Variants in SLC26A6 observed in about 807,000 individuals in gnomAD.
The protein encoded by SLC26A6 is solute carrier family 26 member 6, also known as anion exchange transporter.
SLC26A6 carries 67 observed loss-of-function variants against 87.1 expected under a neutral mutation model. The observed-to-expected ratio is 0.77, with a 90% CI of 0.63 to 0.94. The LOEUF (loss-of-function observed/expected upper bound fraction) is 0.94. Among genes scored for constraint, SLC26A6 ranks in the 40% least tolerant of loss-of-function variants. The pLI is 0.00. For synonymous variants in SLC26A6, 414 were observed against 405.9 expected (o/e 1.02, Z -0.24); for missense variants, 902 against 973.0 (o/e 0.93, Z 0.97).
At chr3:48,629,832 C>A in intron 13 of SLC26A6, 40 bp downstream of exon 13, 2 of 1,613,524 alleles carry the variant, frequency 1.2e-6, no homozygotes, top group South Asian at 2.2e-5. Context: ...GTGGTACTCT[C>A]TCACTAGCTG....
In SLC26A6 at chr3:48,628,709, C is replaced by T. The variant is rs377689804; in HGVS notation, c.1605G>A (p.Lys535=). 94 of 1,613,250 alleles carry T rather than the reference C, an allele frequency of 5.8e-5. 1 individual carries two copies. The East Asian group carries it at 1.2e-3, about 21-fold the overall frequency. The change falls in exon 15 of 21, where the codon AAG becomes AAA. Residue 535 remains lysine (K), a synonymous_variant. Transcript: ENST00000395550. This position sits in a 1 kb window ranked among gnomAD's most constrained non-coding sequence, Gnocchi z 4.4. ...YRDVAEYSEA[K]EVRGVKVFRS... ...GGAAGACCTTCACCCCCCGGACTTC[C>T]TTGGCCTGGGGATGAGGCAGAACTG...
rs377541274 is a variant in SLC26A6, at chr3:48,630,977, C to A, written c.1134+16G>T. 2.5e-5 allele frequency: 40 copies of A among 1,613,226 alleles called. No homozygotes were observed. Among genetic ancestry groups the A allele is most frequent in the Non-Finnish European group, 3.2e-5 (38 of 1,179,784 alleles). On this transcript the variant is annotated intron_variant, in intron 9 of 20. Transcript: ENST00000395550. ...ATACACTTGGATGCCTCCTACACAT[C>A]CCGCATCACCCAGACCTGGTTGCTG...
In SLC26A6 at chr3:48,632,974, C is replaced by T; in HGVS notation, c.433G>A (p.Gly145Arg). Residue 145 changes from glycine (G) to arginine (R), a missense_variant and splice_region_variant, in exon 4 of 21, where the codon GGG (glycine) becomes AGG (arginine). Coordinates refer to ENST00000395550, the MANE Select transcript of SLC26A6 (RefSeq NM_022911.3). Reference sequence around the variant, plus strand: ...GAAGGCTAGGCCTGCCTCCACTTACCCACGGAGATGTGCCGGGAAGTGCCA... The same window carrying T: ...GAAGGCTAGGCCTGCCTCCACTTACTCACGGAGATGTGCCGGGAAGTGCCA... The part of the protein sequence containing the change: ...LFGTSRHISV[G>R]TFAVMSVMVG... 1 of 1,612,736 alleles carries T rather than the reference C, an allele frequency of 6.2e-7. No individual in the cohort carries two copies. The highest frequency in any genetic ancestry group is 8.5e-7 in the Non-Finnish European group (1 of 1,179,580).
In SLC26A6 at chr3:48,626,464, C is replaced by G. The variant is rs2046625719; in HGVS notation, c.2129-110G>C. ...TCACCCCTGACCTCCACCCCTGAGG[C>G]TACAGCTGAATCCACATCACTTGTA... On this transcript the variant is annotated intron_variant, in intron 19 of 20. Coordinates refer to ENST00000395550, the MANE Select transcript of SLC26A6 (RefSeq NM_022911.3). 9.6e-6 allele frequency: 15 copies of G among 1,557,950 alleles called. 1 individual carries two copies. The South Asian group carries it at 1.8e-4, about 18-fold the overall frequency.
Position 48,630,069 on chromosome 3 carries a change from G to C in SLC26A6, c.1415C>G (p.Ala472Gly). The C allele has an allele frequency of 6.2e-7, 1 of 1,612,254 alleles. No individual in the cohort carries two copies. Among genetic ancestry groups the C allele is most frequent in the Non-Finnish European group, 8.5e-7 (1 of 1,178,668 alleles). The change falls in exon 12 of 21, where the codon GCG (alanine) becomes GGG (glycine). Residue 472 changes from alanine (A) to glycine (G), a missense_variant. Physicochemically the swap from Ala to Gly is moderately conservative, Grantham distance 60. Coordinates refer to ENST00000395550, the MANE Select transcript of SLC26A6 (RefSeq NM_022911.3). ...DMRSLWKANR[A>G]DLLIWLVTFT... Reference sequence around the variant, plus strand: ...GGCTCCCAGTGCACTCACCAGATCCGCCCGATTGGCCTTCCAGAGGGAGCG... The same window carrying C: ...GGCTCCCAGTGCACTCACCAGATCCCCCCGATTGGCCTTCCAGAGGGAGCG...
rs747856692 is a variant in SLC26A6 at position 48,631,311 on chromosome 3, G to A, written c.904-5C>T. The A allele has an allele frequency of 7.0e-6, 11 of 1,580,268 alleles. No homozygotes were observed. The African/African-American group carries it at 1.2e-4, about 17-fold the overall frequency. On this transcript the variant is annotated splice_region_variant and splice_polypyrimidine_tract_variant and intron_variant, in intron 7 of 20. Coordinates refer to ENST00000395550, the MANE Select transcript of SLC26A6 (RefSeq NM_022911.3). The stretch of plus-strand genomic sequence containing the variant: ...GATGCCTGTGGCCCCGATGAGCTGT[G>A]GGAGAGGACAGAGTCAGGGAGGCAG...
rs755979152 is a variant in SLC26A6, at chr3:48,628,578, C to A, written c.1693-37G>T. ...CATCAGAGAAGGGTTGGTGAGCTCT[C>A]TGGGAGCTGGGGCCTGACACCCATC... On this transcript the variant is annotated intron_variant, in intron 15 of 20. Coordinates refer to ENST00000395550, the MANE Select transcript of SLC26A6 (RefSeq NM_022911.3). The surrounding 1 kb of genome is among the most constrained non-coding windows in gnomAD (Gnocchi z 4.4). 2.4e-5 allele frequency: 39 copies of A among 1,613,904 alleles called. No individual in the cohort carries two copies. The highest frequency in any genetic ancestry group is 3.1e-5 in the Non-Finnish European group (37 of 1,179,990).
chr3:48,633,365 G>T lies in SLC26A6; in HGVS notation c.208C>A (p.Leu70Ile). ...AAAACCGGGAGGTGTTGGAGCAGAAGGGCATAGGCCCGAGCACGGGAGCAC... is the reference window on the plus strand; with the variant it reads ...AAAACCGGGAGGTGTTGGAGCAGAATGGCATAGGCCCGAGCACGGGAGCAC... The part of the protein sequence containing the change: ...LQCSRARAYA[L>I]LLQHLPVLVW... Residue 70 changes from leucine to isoleucine, a missense_variant, in exon 3 of 21, where the codon CTT (leucine) becomes ATT (isoleucine). Around this residue, in one of 3 missense-constraint regions of SLC26A6, gnomAD observed 800 missense variants for 856.8 expected, o/e 0.93. Coordinates refer to ENST00000395550, the MANE Select transcript of SLC26A6 (RefSeq NM_022911.3). The T allele has an allele frequency of 6.2e-7, 1 of 1,613,506 alleles. No individual in the cohort carries two copies. The highest frequency in any genetic ancestry group is 1.1e-5 in the South Asian group (1 of 91,090).
At chr3:48,634,559 G>A (rs1275887948) in intron 1 of SLC26A6, among the ~76,000 whole-genome samples, 1 of 152,158 alleles carries the variant, frequency 6.6e-6, no homozygotes, top group Non-Finnish European at 1.5e-5. Context: ...CCTCGGGCGA[G>A]GCTCCCACGT....
chr3:48,630,822 G>A, intron 9 of SLC26A6, 102 bp from the exon 10 acceptor site: 1 of 1,497,328 alleles, frequency 6.7e-7, no homozygotes, highest in Non-Finnish European at 9.2e-7. Flanking sequence ...TCCCCACCAA[G>A]TGGCCCCCAG....
intron 13 of SLC26A6, 72 bp from the exon 14 acceptor site, chr3:48,629,783 G>T (rs1221325086): frequency 6.2e-7 from 1 of 1,609,668 alleles, no homozygotes; most frequent in African/African-American, 1.3e-5. Context: ...GAAGGAGCCT[G>T]AAGTCCCCAG....
In SLC26A6 at chr3:48,626,354, C is replaced by A; in HGVS notation, c.2129G>T (p.Ser710Ile). 6.2e-7 allele frequency: 1 copy of A among 1,613,934 alleles called. No individual in the cohort carries two copies. Among genetic ancestry groups the A allele is most frequent in the Non-Finnish European group, 8.5e-7 (1 of 1,179,998 alleles). ...EVEVYMAACHSPVVSQLEAGH... is the reference protein window; with the variant it reads ...EVEVYMAACHIPVVSQLEAGH... ...AGCCTCAAGCTGGCTGACCACAGGG[C>A]CTGTGGGCAAGAAGTAGGCCTCCCC... The change falls in exon 20 of 21, where the codon AGC (serine) becomes ATC (isoleucine). Residue 710 changes from serine (S) to isoleucine (I), a missense_variant and splice_region_variant. Physicochemically the swap from Ser to Ile is moderately radical, Grantham distance 142 (BLOSUM62 -2). Transcript: ENST00000395550.
rs2046755939 is a variant in SLC26A6, at chr3:48,630,560, G to A, written c.1249-45C>T. 11 of 1,558,372 alleles carry A rather than the reference G, an allele frequency of 7.1e-6. No individual in the cohort carries two copies. In the Admixed American group the frequency reaches 1.7e-4, roughly 25 times the overall value. Reference sequence around the variant, plus strand: ...GCAGGGGAGAGACCTCCTTCCCCAGGCAAAGCAATGTGCATGCCCACACCC... The same window carrying A: ...GCAGGGGAGAGACCTCCTTCCCCAGACAAAGCAATGTGCATGCCCACACCC... On this transcript the variant is annotated intron_variant, in intron 10 of 20. Transcript: ENST00000395550.
Position 48,631,899 on chromosome 3 carries a change from C to G in SLC26A6, c.731G>C (p.Gly244Ala), listed in dbSNP as rs1014525754. ...VFGLHLSSHS[G>A]PLSLIYTVLE... ...ACTCACATAGATGAGGGACAGTGGCCCAGAGTGGCTGCTCAGATGGAGGCC... is the reference window on the plus strand; with the variant it reads ...ACTCACATAGATGAGGGACAGTGGCGCAGAGTGGCTGCTCAGATGGAGGCC... Residue 244 changes from glycine to alanine, a missense_variant, in exon 6 of 21, where the codon GGG becomes GCG. Transcript: ENST00000395550. 1.1e-4 allele frequency: 180 copies of G among 1,613,540 alleles called. No individual in the cohort carries two copies. Among genetic ancestry groups the G allele is most frequent in the Non-Finnish European group, 1.5e-4 (176 of 1,180,034 alleles).
In SLC26A6 at chr3:48,631,049, T is replaced by C; in HGVS notation, c.1078A>G (p.Ile360Val). Residue 360 changes from isoleucine (I) to valine (V), a missense_variant, in exon 9 of 21, where the codon ATC becomes GTC. Physicochemically the swap from Ile to Val is conservative, Grantham distance 29 (BLOSUM62 3). This residue lies in a region of SLC26A6 where 800 missense variants were observed against 856.8 expected (regional missense o/e 0.93). Coordinates refer to ENST00000395550, the MANE Select transcript of SLC26A6 (RefSeq NM_022911.3). Reference sequence around the variant, plus strand: ...AGGGCGAAGATCTTCCCCAGTGAGATGGCAATGGCAAACCCAACCACAGCG... The same window carrying C: ...AGGGCGAAGATCTTCCCCAGTGAGACGGCAATGGCAAACCCAACCACAGCG... ...TIAVVGFAIAISLGKIFALRH... is the reference protein window; with the variant it reads ...TIAVVGFAIAVSLGKIFALRH... 4 of 1,613,802 alleles carry C rather than the reference T, an allele frequency of 2.5e-6. No homozygotes were observed. Among genetic ancestry groups the C allele is most frequent in the Non-Finnish European group, 3.4e-6 (4 of 1,180,016 alleles).
At chr3:48,633,774 G>T (rs530496906) in intron 1 of SLC26A6, 139 bp from the exon 2 acceptor site, 1 of 1,475,948 alleles carries the variant, frequency 6.8e-7, no homozygotes, top group Non-Finnish European at 8.9e-7. Flanking sequence ...GCCCCCAGCT[G>T]GCATCTGTGG....
At position 48,630,674 on chromosome 3, in the gene SLC26A6, T is replaced by C; in HGVS notation, c.1181A>G (p.Gln394Arg). 1 of 1,603,136 alleles carries C rather than the reference T, an allele frequency of 6.2e-7. No individual in the cohort carries two copies. The change falls in exon 10 of 21, where the codon CAG becomes CGG. Residue 394 changes from glutamine (Q) to arginine (R), a missense_variant. Around this residue, in one of 3 missense-constraint regions of SLC26A6, gnomAD observed 800 missense variants for 856.8 expected, o/e 0.93. Coordinates refer to ENST00000395550, the MANE Select transcript of SLC26A6 (RefSeq NM_022911.3). ...GLSNLIGGIF[Q>R]CFPVSCSMSR... ...CATAGAGCAACTCACGGGGAAGCAC[T>C]GGAAGATGCCTCCGATAAGGTTACT...
chr3:48,634,738 G>A (rs2046906747), intron 1 of SLC26A6: 7 of 985,450 alleles, frequency 7.1e-6, no homozygotes, highest in Non-Finnish European at 8.4e-6. Context: ...CACCTGGGAA[G>A]CGCCTCTAAC....
At chr3:48,632,561 A>G in intron 4 of SLC26A6, 165 bp from the exon 5 acceptor site, 2 of 945,016 alleles carry the variant, frequency 2.1e-6, no homozygotes, top group South Asian at 1.4e-5. Flanking sequence ...TGGCCAGGCC[A>G]GGAGTAAACC....
Sources: allele counts gnomAD v4.1 joint callset (sites outside exome capture counted in the v4.1 genomes callset), GRCh38; gene constraint gnomAD v4.1.1; regional missense constraint gnomAD v4.1.1; non-coding constraint Gnocchi (gnomAD v3.1); transcripts MANE v1.5; gene names NCBI Gene and HGNC (gene_info 2026-07-23, HGNC 2026-07-21).